Variants in PFDN2 observed in about 807,000 individuals in gnomAD.
PFDN2 encodes the protein prefoldin subunit 2.
In PFDN2, 7 loss-of-function variants were observed where a neutral mutation model predicts 18.3. That is an observed-to-expected ratio of 0.38 (90% CI 0.22 to 0.72). PFDN2 has a LOEUF of 0.72. Ranked by LOEUF, PFDN2 falls within the 30% of genes least tolerant of loss-of-function variation. The pLI is 0.47. For missense variants in PFDN2, 181 were observed against 199.1 expected (o/e 0.91, Z 0.55); for synonymous variants, 76 against 75.0 (o/e 1.01, Z -0.07).
intron 1 of PFDN2, 67 bp downstream of exon 1, chr1:161,117,885 G>A (rs1655010644): frequency 4.4e-6 from 6 of 1,371,474 alleles, no homozygotes; most frequent in Non-Finnish European, 3.0e-6. Flanking sequence ...ACAAGCCACA[G>A]GCTCCCCCTT....
Position 161,103,802 on chromosome 1 carries a change from C to T in PFDN2, c.76-1427G>A, listed in dbSNP as rs1240295144. Among the ~76,000 whole-genome samples, 4 of 148,700 alleles carry T rather than the reference C, an allele frequency of 2.7e-5. 1 individual carries two copies. Among genetic ancestry groups the T allele is most frequent in the African/African-American group, 9.9e-5 (4 of 40,242 alleles). On this transcript the variant is annotated intron_variant, in intron 1 of 3. Coordinates refer to ENST00000368010, the MANE Select transcript of PFDN2 (RefSeq NM_012394.4). ...GCTTCCTGAGGGATAATGTAATGGT[C>T]TTAAATGAAACCTGAAAAATCAGAG...
chr1:161,116,972 C>T (rs993092340), intron 1 of PFDN2, among the ~76,000 whole-genome samples: 3 of 152,196 alleles, frequency 2.0e-5, no homozygotes, highest in African/African-American at 4.8e-5. Flanking sequence ...CGGTGGCTCA[C>T]GCCTGTAATC....
intron 1 of PFDN2, among the ~76,000 whole-genome samples, chr1:161,117,697 A>ATCT (rs1275414632): frequency 6.6e-6 from 1 of 152,300 alleles, no homozygotes; most frequent in East Asian, 1.9e-4. Flanking sequence ...AGACCTGTGC[A>ATCT]TCTTCCCAGA....
At chr1:161,112,467 G>A (rs1322929406) in intron 1 of PFDN2, among the ~76,000 whole-genome samples, 1 of 152,170 alleles carries the variant, frequency 6.6e-6, no homozygotes, top group Non-Finnish European at 1.5e-5. Flanking sequence ...ATGCTGCTCA[G>A]ACTGGTGAAA....
chr1:161,105,585 G>A (rs1654661861), intron 1 of PFDN2, among the ~76,000 whole-genome samples: 1 of 152,020 alleles, frequency 6.6e-6, no homozygotes, highest in African/African-American at 2.4e-5. Context: ...AGCCTCCCAA[G>A]TAGCTGGGAC....
At position 161,102,156 on chromosome 1, in the gene PFDN2, TG is replaced by T. The variant is rs1557961836; in HGVS notation, c.179del (p.Thr60AsnfsTer2). On this transcript the variant is annotated frameshift_variant, in exon 3 of 4. Transcript: ENST00000368010. LOFTEE classifies it high-confidence loss of function. ...TACGAGTTTCATCTACCTCCTTCAG[TG>T]TATCGATCACTAGGCTGGGATAGGA... is the stretch of plus-strand genomic sequence containing the variant. ...ELNEHSLVID[T>X]LKEVDETRKC... is the part of the protein sequence containing the mutation. 6.2e-7 allele frequency: 1 copy of T among 1,614,204 alleles called. No individual in the cohort carries two copies. The highest frequency in any genetic ancestry group is 1.7e-5 in the Admixed American group (1 of 60,020).
At chr1:161,110,540 T>A (rs1654782434) in intron 1 of PFDN2, among the ~76,000 whole-genome samples, 1 of 152,216 alleles carries the variant, frequency 6.6e-6, no homozygotes, top group Non-Finnish European at 1.5e-5. Flanking sequence ...TTAATAATTT[T>A]AGGAAAAAAT....
chr1:161,107,563 C>T (rs1410005296), intron 1 of PFDN2, among the ~76,000 whole-genome samples: 4 of 152,058 alleles, frequency 2.6e-5, no homozygotes. Flanking sequence ...GCCTGTAATT[C>T]CAGCAGTTTG....
intron 3 of PFDN2, among the ~76,000 whole-genome samples, chr1:161,101,354 A>G (rs1184421764): frequency 6.6e-6 from 1 of 151,194 alleles, no homozygotes; most frequent in African/African-American, 2.4e-5. Context: ...CGCCCACCAC[A>G]ACGCCCAGCC....
intron 3 of PFDN2, 87 bp from the exon 4 acceptor site, chr1:161,100,946 C>T: frequency 1.1e-6 from 1 of 931,980 alleles, no homozygotes; most frequent in Admixed American, 2.1e-5. Context: ...GAAGTGTTAA[C>T]ACATTTAACC....
chr1:161,113,232 TATC>T (rs1273346611), intron 1 of PFDN2, among the ~76,000 whole-genome samples: 1 of 152,198 alleles, frequency 6.6e-6, no homozygotes, highest in African/African-American at 2.4e-5. Context: ...ACTCTCCTCT[TATC>T]ATATTCCCTA....
intron 1 of PFDN2, among the ~76,000 whole-genome samples, chr1:161,113,717 G>C (rs1654853247): frequency 5.3e-5 from 8 of 152,192 alleles, no homozygotes; most frequent in Admixed American, 5.2e-4. Flanking sequence ...GGGAGGTTGA[G>C]GCTGCAGTGA....
intron 1 of PFDN2, among the ~76,000 whole-genome samples, chr1:161,105,521 G>A (rs1223568730): frequency 4.6e-5 from 7 of 150,562 alleles, no homozygotes; most frequent in South Asian, 2.1e-4. Context: ...GCAGTGGCGC[G>A]ATCTCAGCTC....
At chr1:161,105,565 C>T (rs1450710081) in intron 1 of PFDN2, among the ~76,000 whole-genome samples, 1 of 152,054 alleles carries the variant, frequency 6.6e-6, no homozygotes, top group Non-Finnish European at 1.5e-5. Flanking sequence ...TCAAGCGATT[C>T]TCCTGCCTCA....
intron 1 of PFDN2, among the ~76,000 whole-genome samples, chr1:161,112,789 T>C (rs138450165): frequency 5.9e-5 from 9 of 152,240 alleles, no homozygotes; most frequent in Admixed American, 3.9e-4. Flanking sequence ...GCTAATTTAA[T>C]CTTCCTAACA....
At chr1:161,116,069 C>A (rs4656986) in intron 1 of PFDN2, among the ~76,000 whole-genome samples, 53,967 of 150,704 alleles carry the variant, frequency 0.36, 9,830 homozygotes, top group East Asian at 0.43. Context: ...ACCAAAAAAA[C>A]AATTTTTAAT....
chr1:161,111,815 T>C (rs1425778547), intron 1 of PFDN2, among the ~76,000 whole-genome samples: 3 of 152,252 alleles, frequency 2.0e-5, no homozygotes, highest in Non-Finnish European at 4.4e-5. Context: ...TACATTATTT[T>C]TGAAATTATT....
intron 1 of PFDN2, among the ~76,000 whole-genome samples, chr1:161,111,854 G>A (rs6689303): frequency 6.6e-6 from 1 of 152,058 alleles, no homozygotes; most frequent in Admixed American, 6.5e-5. Flanking sequence ...ATATTTTCAT[G>A]GTATTGTGAT....
chr1:161,112,716 A>G (rs753698881), intron 1 of PFDN2, among the ~76,000 whole-genome samples: 1 of 152,146 alleles, frequency 6.6e-6, no homozygotes, highest in Non-Finnish European at 1.5e-5. Context: ...TTCTTATCTG[A>G]ATTACTGCAA....
Sources: allele counts gnomAD v4.1 joint callset (sites outside exome capture counted in the v4.1 genomes callset), GRCh38; gene constraint gnomAD v4.1.1; transcripts MANE v1.5; gene names NCBI Gene and HGNC (gene_info 2026-07-23, HGNC 2026-07-21).